The following NF1 variants were observed in gnomAD, a reference collection of about 807,000 sequenced individuals.
NF1 encodes neurofibromin 1, also known as neurofibromin.
In NF1, 122 loss-of-function variants were observed where a neutral mutation model predicts 325.7. The ratio of observed to expected loss-of-function variants is 0.37; its 90% confidence interval spans 0.32 to 0.44. The LOEUF is 0.44. Among genes scored for constraint, NF1 ranks in the 20% least tolerant of loss-of-function variants. The pLI, the probability that NF1 is intolerant of heterozygous loss-of-function variation, is 1.00. For missense variants in NF1, 2,140 were observed against 3,415.4 expected (o/e 0.63, Z 9.31); for synonymous variants, 1,091 against 1,186.0 (o/e 0.92, Z 1.65).
chr17:31,227,481 C>A (rs1468499965), intron 19 of NF1, 42 bp from the exon 20 acceptor site: 1 of 1,599,474 alleles, frequency 6.3e-7, no homozygotes, highest in South Asian at 1.1e-5. Flanking sequence ...ATGTTTAGCT[C>A]TAGACTAAGT....
At chr17:31,140,575 T>C (rs1459686020) in intron 1 of NF1, among the ~76,000 whole-genome samples, 2 of 152,204 alleles carry the variant, frequency 1.3e-5, no homozygotes, top group African/African-American at 4.8e-5. Flanking sequence ...TTCAAAAGTA[T>C]AGCTAGGGCA....
intron 36 of NF1, among the ~76,000 whole-genome samples, chr17:31,317,023 T>A (rs1188247943): frequency 6.6e-6 from 1 of 152,156 alleles, no homozygotes; most frequent in Non-Finnish European, 1.5e-5. Flanking sequence ...TTTTAAAAAC[T>A]CTTCAGGTGA....
chr17:31,267,589 C>A (rs532255761), intron 36 of NF1, among the ~76,000 whole-genome samples: 1 of 152,216 alleles, frequency 6.6e-6, no homozygotes, highest in Non-Finnish European at 1.5e-5. Context: ...GTCTGTATGC[C>A]GTCAGTTTTG....
chr17:31,279,640 A>G (rs1368370047), intron 36 of NF1, among the ~76,000 whole-genome samples: 1 of 151,850 alleles, frequency 6.6e-6, no homozygotes, highest in Admixed American at 6.6e-5. Flanking sequence ...TGAACAATGG[A>G]TATGCAAAAA....
Position 31,277,107 on chromosome 17 carries a change from G to T in NF1, c.4835+11768G>T, listed in dbSNP as rs183133702. 1.2e-3 allele frequency among the ~76,000 whole-genome samples: 183 copies of T among 152,334 alleles called. 1 individual carries two copies. In the Middle Eastern group the frequency reaches 0.02, roughly 17 times the overall value. On this transcript the variant is annotated intron_variant, in intron 36 of 57. Coordinates refer to ENST00000358273, the MANE Select transcript of NF1 (RefSeq NM_001042492.3). Reference sequence around the variant, plus strand: ...TATATTTACTGTTCTCTGAGTGGAAGTGGATTATCACGAAGGTCTTCATCC... The same window carrying T: ...TATATTTACTGTTCTCTGAGTGGAATTGGATTATCACGAAGGTCTTCATCC...
At position 31,229,828 on chromosome 17, in the gene NF1, T is replaced by C. The variant is rs2151430446; in HGVS notation, c.2851-7T>C. ...GCAAATCATTAATGTATTTGTTCTT[T>C]CTTTAGGTTTTATTGACTGATACCA... On this transcript the variant is annotated splice_polypyrimidine_tract_variant and splice_region_variant and intron_variant, in intron 21 of 57. Transcript: ENST00000358273. 1.2e-6 allele frequency: 2 copies of C among 1,611,688 alleles called. No individual in the cohort carries two copies. The highest frequency in any genetic ancestry group is 1.7e-6 in the Non-Finnish European group (2 of 1,179,600).
chr17:31,336,690 C>G lies in NF1; in HGVS notation c.6203C>G (p.Thr2068Ser), dbSNP rs876659172. Reference sequence around the variant, plus strand: ...AAGACATGCTTATCTCCAACTCCTACTTTAGAACAACATCTTATGTGGGAT... The same window carrying G: ...AAGACATGCTTATCTCCAACTCCTAGTTTAGAACAACATCTTATGTGGGAT... ...IDKTCLSPTP[T>S]LEQHLMWDDI... Residue 2068 changes from threonine to serine, a missense_variant, in exon 42 of 58, where the codon ACT becomes AGT. Around this residue, in one of 10 missense-constraint regions of NF1, gnomAD observed 180 missense variants for 435.1 expected, o/e 0.41. Coordinates refer to ENST00000358273, the MANE Select transcript of NF1 (RefSeq NM_001042492.3). This position sits in a 1 kb window ranked among gnomAD's most constrained non-coding sequence, Gnocchi z 5.5. The G allele has an allele frequency of 6.2e-7, 1 of 1,613,702 alleles. No individual in the cohort carries two copies. Among genetic ancestry groups the G allele is most frequent in the Non-Finnish European group, 8.5e-7 (1 of 1,179,948 alleles).
chr17:31,298,384 C>T (rs778724361), intron 36 of NF1, among the ~76,000 whole-genome samples: 2 of 152,004 alleles, frequency 1.3e-5, no homozygotes, highest in South Asian at 2.1e-4. Context: ...CATTTAAAAA[C>T]GAGTAATATT....
chr17:31,330,204 G>C, intron 38 of NF1, 92 bp from the exon 39 acceptor site: 1 of 1,056,564 alleles, frequency 9.5e-7, no homozygotes, highest in Non-Finnish European at 1.5e-6. Flanking sequence ...ATCATACTTT[G>C]TAACAGAATC....
At chr17:31,335,134 G>A in intron 40 of NF1, 103 bp downstream of exon 40, 1 of 956,214 alleles carries the variant, frequency 1.0e-6, no homozygotes, top group Non-Finnish European at 1.6e-6. Flanking sequence ...GGATAGAGTT[G>A]TAAAAAACAC....
chr17:31,223,393 T>A (rs1476614523), intron 15 of NF1, 51 bp from the exon 16 acceptor site: 15 of 1,600,520 alleles, frequency 9.4e-6, no homozygotes, highest in African/African-American at 1.3e-5. Context: ...TGGTTATATC[T>A]GCATTAGGTT....
intron 34 of NF1, among the ~76,000 whole-genome samples, chr17:31,261,478 G>A (rs1413802168): frequency 6.6e-6 from 1 of 152,146 alleles, no homozygotes; most frequent in Non-Finnish European, 1.5e-5. Flanking sequence ...GGGAAAAGTA[G>A]TGGACTGTGA....
At chr17:31,102,495 C>G (rs1254962353) in intron 1 of NF1, among the ~76,000 whole-genome samples, 1 of 152,068 alleles carries the variant, frequency 6.6e-6, no homozygotes, top group African/African-American at 2.4e-5. Flanking sequence ...GTAATCCCAG[C>G]ACTTTGGGAG....
chr17:31,287,094 A>T, intron 36 of NF1, among the ~76,000 whole-genome samples: 1 of 152,284 alleles, frequency 6.6e-6, no homozygotes, highest in South Asian at 2.1e-4. Flanking sequence ...CTGCTAAATA[A>T]TTTTTTTAGG....
At position 31,242,556 on chromosome 17, in the gene NF1, A is replaced by G. The variant is rs895480097; in HGVS notation, c.3975-6428A>G. 2.4e-4 allele frequency among the ~76,000 whole-genome samples: 36 copies of G among 151,432 alleles called. No homozygotes were observed. The South Asian group carries it at 2.7e-3, about 11-fold the overall frequency. On this transcript the variant is annotated intron_variant, in intron 29 of 57. Transcript: ENST00000358273. ...GCTTGCTAATTCTTCTGCTTCATCAATTTTGCTTTTAAGAGACTCTTGATG... is the reference window on the plus strand; with the variant it reads ...GCTTGCTAATTCTTCTGCTTCATCAGTTTTGCTTTTAAGAGACTCTTGATG...
intron 1 of NF1, among the ~76,000 whole-genome samples, chr17:31,139,759 T>TG (rs748847131): frequency 1.9e-4 from 29 of 152,310 alleles, no homozygotes; most frequent in Non-Finnish European, 2.2e-4. Flanking sequence ...TGCTGGTTTA[T>TG]GGTATAGAGA....
intron 1 of NF1, among the ~76,000 whole-genome samples, chr17:31,106,393 A>C (rs544743832): frequency 2.6e-5 from 4 of 152,254 alleles, no homozygotes; most frequent in African/African-American, 9.6e-5. Context: ...TTTGGTGGTT[A>C]TTATTTCTAC....
intron 52 of NF1, 183 bp downstream of exon 52, chr17:31,356,765 A>G: frequency 2.7e-6 from 3 of 1,112,570 alleles, no homozygotes; most frequent in Non-Finnish European, 3.8e-6. Context: ...AAAATTAATC[A>G]TATATATTAT....
intron 31 of NF1, among the ~76,000 whole-genome samples, chr17:31,256,419 A>T (rs1175998710): frequency 6.6e-6 from 1 of 152,208 alleles, no homozygotes; most frequent in Non-Finnish European, 1.5e-5. Context: ...GATTACAGGC[A>T]TGAGCCACCA....
Sources: allele counts gnomAD v4.1 joint callset (sites outside exome capture counted in the v4.1 genomes callset), GRCh38; gene constraint gnomAD v4.1.1; regional missense constraint gnomAD v4.1.1; non-coding constraint Gnocchi (gnomAD v3.1); transcripts MANE v1.5; gene names NCBI Gene and HGNC (gene_info 2026-07-23, HGNC 2026-07-21).